TMEM132D: variants seen among roughly 807,000 people sequenced by gnomAD.
TMEM132D encodes the protein mature OL transmembrane protein.
TMEM132D carries 21 observed loss-of-function variants against 62.3 expected under a neutral mutation model. The observed-to-expected ratio is 0.34, with a 90% confidence interval of 0.24 to 0.49. The LOEUF (loss-of-function observed/expected upper bound fraction) is 0.49, where lower values mean the gene tolerates loss of function less well. TMEM132D is among the 20% of genes least tolerant of loss of function. TMEM132D has a pLI of 0.99. For missense variants in TMEM132D, 1,346 were observed against 1,402.8 expected (o/e 0.96, Z 0.65); for synonymous variants, 621 against 575.6 (o/e 1.08, Z -1.13).
intron 5 of TMEM132D, among the ~76,000 whole-genome samples, chr12:129,129,609 A>G (rs1416381430): frequency 2.0e-5 from 3 of 152,194 alleles, no homozygotes; most frequent in African/African-American, 7.2e-5. Context: ...TCCTACCAAC[A>G]GTGTATAAGA....
At chr12:129,138,941 T>C (rs1876661317) in intron 5 of TMEM132D, among the ~76,000 whole-genome samples, 1 of 152,188 alleles carries the variant, frequency 6.6e-6, no homozygotes, top group African/African-American at 2.4e-5. Flanking sequence ...TGATGACAAA[T>C]GACTACCCAC....
At position 129,441,344 on chromosome 12, in the gene TMEM132D, G is replaced by A. The variant is rs149508133; in HGVS notation, c.1115+89715C>T. ...GTAGATGTAGACCCAGGTGTTGCCC[G>A]CACGGTATGAGAAGAACTAGAAACC... On this transcript the variant is annotated intron_variant, in intron 3 of 8. Transcript: ENST00000422113. Among the ~76,000 whole-genome samples, 207 of 152,234 alleles carry A rather than the reference G, an allele frequency of 1.4e-3. 1 individual carries two copies. The highest frequency in any genetic ancestry group is 4.6e-3 in the African/African-American group (190 of 41,546).
chr12:129,797,761 G>A (rs1871610189), intron 1 of TMEM132D, among the ~76,000 whole-genome samples: 1 of 152,206 alleles, frequency 6.6e-6, no homozygotes, highest in Non-Finnish European at 1.5e-5. Context: ...CAGGCATTCT[G>A]AATTCTGGGC....
intron 1 of TMEM132D, among the ~76,000 whole-genome samples, chr12:129,786,054 G>A (rs1388109458): frequency 6.6e-6 from 1 of 152,184 alleles, no homozygotes; most frequent in Non-Finnish European, 1.5e-5. Flanking sequence ...ATGACTGTGT[G>A]TCAAATGCAT....
intron 1 of TMEM132D, among the ~76,000 whole-genome samples, chr12:129,884,646 G>A (rs1337668370): frequency 6.6e-6 from 1 of 152,228 alleles, no homozygotes; most frequent in Non-Finnish European, 1.5e-5. Context: ...GGAACAGCTG[G>A]AACCTTACAC....
chr12:129,596,252 G>A (rs1322448358), intron 2 of TMEM132D, among the ~76,000 whole-genome samples: 1 of 152,204 alleles, frequency 6.6e-6, no homozygotes, highest in African/African-American at 2.4e-5. Flanking sequence ...AAGCTATTCT[G>A]TAGGGCATGG....
At chr12:129,444,511 C>T (rs571087453) in intron 3 of TMEM132D, among the ~76,000 whole-genome samples, 1 of 152,226 alleles carries the variant, frequency 6.6e-6, no homozygotes, top group Non-Finnish European at 1.5e-5. Context: ...AGGTTTGTTA[C>T]GTAGGTAAAT....
intron 5 of TMEM132D, among the ~76,000 whole-genome samples, chr12:129,190,633 G>T (rs559908915): frequency 1.1e-4 from 16 of 152,146 alleles, no homozygotes; most frequent in African/African-American, 3.6e-4. Context: ...CTGCACATGT[G>T]GGGGCCTCTG....
intron 3 of TMEM132D, among the ~76,000 whole-genome samples, chr12:129,488,116 C>T (rs1260673588): frequency 2.6e-5 from 4 of 152,184 alleles, no homozygotes; most frequent in Middle Eastern, 3.4e-3. Context: ...GCTCTCACCA[C>T]GCACCAATGC....
rs548148739 is a variant in TMEM132D at position 129,135,963 on chromosome 12, T to G, written c.1444-51261A>C. The stretch of plus-strand genomic sequence containing the variant: ...AGTAATTAACTAACTATATCTGCAA[T>G]GAACCTATTCTCAAATATGGTCACA... On this transcript the variant is annotated intron_variant, in intron 5 of 8. Coordinates refer to ENST00000422113, the MANE Select transcript of TMEM132D (RefSeq NM_133448.3). 2.7e-4 allele frequency among the ~76,000 whole-genome samples: 41 copies of G among 152,368 alleles called. No individual in the cohort carries two copies. In the South Asian group the frequency reaches 3.9e-3, roughly 15 times the overall value.
intron 5 of TMEM132D, among the ~76,000 whole-genome samples, chr12:129,097,459 C>T (rs901164777): frequency 6.6e-5 from 10 of 152,136 alleles, no homozygotes; most frequent in South Asian, 2.1e-4. Flanking sequence ...ACATTTACAT[C>T]GCCTATATCC....
At position 129,536,648 on chromosome 12, in the gene TMEM132D, G is replaced by A. The variant is rs143932473; in HGVS notation, c.969-5443C>T. On this transcript the variant is annotated intron_variant, in intron 2 of 8. Transcript: ENST00000422113. Reference sequence around the variant, plus strand: ...ATGCCTGCTTACAATGCCACTGTCAGTATTTTAGGAATCATGTCCCACTTT... The same window carrying A: ...ATGCCTGCTTACAATGCCACTGTCAATATTTTAGGAATCATGTCCCACTTT... 7.9e-5 allele frequency among the ~76,000 whole-genome samples: 12 copies of A among 152,286 alleles called. 1 individual carries two copies. The highest frequency in any genetic ancestry group is 2.9e-4 in the African/African-American group (12 of 41,562).
intron 4 of TMEM132D, among the ~76,000 whole-genome samples, chr12:129,319,025 G>T (rs1868583681): frequency 6.6e-6 from 1 of 152,160 alleles, no homozygotes; most frequent in Non-Finnish European, 1.5e-5. Flanking sequence ...TTGAAAACTT[G>T]CCCTGGGCTA....
chr12:129,378,449 C>G (rs1271083433), intron 3 of TMEM132D, among the ~76,000 whole-genome samples: 1 of 152,192 alleles, frequency 6.6e-6, no homozygotes, highest in Admixed American at 6.5e-5. Flanking sequence ...TTTTAAAGTT[C>G]TCAATAGCTA....
In TMEM132D at chr12:129,319,020, A is replaced by G. The variant is rs528856448; in HGVS notation, c.1299+18614T>C. Among the ~76,000 whole-genome samples the G allele has an allele frequency of 6.6e-5, 10 of 152,174 alleles. No homozygotes were observed. The South Asian group carries it at 2.1e-3, about 32-fold the overall frequency. On this transcript the variant is annotated intron_variant, in intron 4 of 8. Coordinates refer to ENST00000422113, the MANE Select transcript of TMEM132D (RefSeq NM_133448.3). ...CAGGCGGAGGGTGAGATGGCTTGAA[A>G]ACTTGCCCTGGGCTACCTGCCTTCC...
At chr12:129,491,709 A>G (rs2137060775) in intron 3 of TMEM132D, among the ~76,000 whole-genome samples, 1 of 152,320 alleles carries the variant, frequency 6.6e-6, no homozygotes, top group South Asian at 2.1e-4. Flanking sequence ...TGGGAGGCCG[A>G]GGTGGGTAGA....
Position 129,195,103 on chromosome 12 carries a change from A to G in TMEM132D, c.1443+14417T>C, listed in dbSNP as rs566594860. ...CTTTGGTGATAAGTTCTATGAAAAA[A>G]CATAGGGCAGGGAAGAAGGATGGGG... On this transcript the variant is annotated intron_variant, in intron 5 of 8. Coordinates refer to ENST00000422113, the MANE Select transcript of TMEM132D (RefSeq NM_133448.3). Among the ~76,000 whole-genome samples, 6 of 152,308 alleles carry G rather than the reference A, an allele frequency of 3.9e-5. No individual in the cohort carries two copies. In the East Asian group the frequency reaches 9.6e-4, roughly 24 times the overall value.
intron 1 of TMEM132D, among the ~76,000 whole-genome samples, chr12:129,722,405 A>C (rs939426798): frequency 3.9e-5 from 6 of 152,176 alleles, no homozygotes; most frequent in Non-Finnish European, 7.3e-5. Flanking sequence ...TCGGTGTGAA[A>C]TTCCCACGGC....
At chr12:129,871,035 G>A (rs191746550) in intron 1 of TMEM132D, among the ~76,000 whole-genome samples, 58 of 152,228 alleles carry the variant, frequency 3.8e-4, no homozygotes, top group African/African-American at 1.3e-3. Context: ...TGAGGCTTCT[G>A]TCCCAGAAAT....
Sources: gnomAD v4.1 joint callset for allele counts (sites outside exome capture counted in the v4.1 genomes callset) on GRCh38, gnomAD v4.1.1 for gene constraint, MANE v1.5 for transcripts, NCBI Gene and HGNC (gene_info 2026-07-23, HGNC 2026-07-21) for gene names.